BNC2: variants seen among roughly 807,000 people sequenced by gnomAD.
BNC2 encodes zinc finger protein basonuclin-2.
A neutral mutation model predicts 76.3 loss-of-function variants in BNC2; 20 were observed. The observed-to-expected ratio is 0.26, with a 90% CI of 0.18 to 0.38. The LOEUF (loss-of-function observed/expected upper bound fraction) is 0.38, where lower values mean the gene tolerates loss of function less well. Ranked by LOEUF, BNC2 falls within the 10% of genes least tolerant of loss-of-function variation. The probability of loss-of-function intolerance (pLI) is 1.00; values close to 1 mark genes in which losing one functional copy is unlikely to be tolerated. For missense variants in BNC2, 1,382 were observed against 1,399.8 expected (o/e 0.99, Z 0.20); for synonymous variants, 582 against 514.8 (o/e 1.13, Z -1.77).
At chr9:16,612,440 T>C (rs1820575436) in intron 3 of BNC2, among the ~76,000 whole-genome samples, 1 of 152,156 alleles carries the variant, frequency 6.6e-6, no homozygotes, top group Admixed American at 6.6e-5. Flanking sequence ...TCCATCCTTT[T>C]ATTAGAGTAG....
At position 16,824,786 on chromosome 9, in the gene BNC2, A is replaced by C. The variant is rs139982906; in HGVS notation, c.3+45860T>G. On this transcript the variant is annotated intron_variant, in intron 1 of 6. Coordinates refer to ENST00000380672, the MANE Select transcript of BNC2 (RefSeq NM_017637.6). ...GCCAAGGGAAGCCAAACTTGTCTAT[A>C]AACAGCAGAGGCACAGTGAAAGAGA... Among the ~76,000 whole-genome samples the C allele has an allele frequency of 3.3e-4, 51 of 152,326 alleles. 1 individual carries two copies. The highest frequency in any genetic ancestry group is 1.1e-3 in the African/African-American group (46 of 41,576).
At chr9:16,760,974 G>A (rs774548966) in intron 1 of BNC2, among the ~76,000 whole-genome samples, 12 of 152,098 alleles carry the variant, frequency 7.9e-5, no homozygotes, top group Non-Finnish European at 1.3e-4. Flanking sequence ...CAGGTGCAAT[G>A]GCTCACACCT....
At chr9:16,687,593 T>C (rs1823016694) in intron 3 of BNC2, among the ~76,000 whole-genome samples, 1 of 152,086 alleles carries the variant, frequency 6.6e-6, no homozygotes, top group Non-Finnish European at 1.5e-5. Flanking sequence ...CAAATCAAAA[T>C]GAATCCCCCC....
intron 5 of BNC2, among the ~76,000 whole-genome samples, chr9:16,481,692 A>T (rs1180890684): frequency 3.9e-5 from 6 of 152,222 alleles, no homozygotes; most frequent in Non-Finnish European, 1.5e-5. Flanking sequence ...TTCAATTTCA[A>T]TGAGTATTTT....
intron 3 of BNC2, among the ~76,000 whole-genome samples, chr9:16,716,673 G>A (rs934952407): frequency 2.0e-5 from 3 of 152,150 alleles, no homozygotes; most frequent in South Asian, 2.1e-4. Flanking sequence ...AAATGCTTAC[G>A]TATCATGCAA....
intron 5 of BNC2, among the ~76,000 whole-genome samples, chr9:16,484,762 T>A (rs1000825958): frequency 6.6e-6 from 1 of 152,202 alleles, no homozygotes; most frequent in African/African-American, 2.4e-5. Context: ...ACGACCTATA[T>A]GTTCTCATTG....
intron 5 of BNC2, among the ~76,000 whole-genome samples, chr9:16,487,265 G>A (rs1822185414): frequency 6.6e-6 from 1 of 152,150 alleles, no homozygotes; most frequent in Non-Finnish European, 1.5e-5. Flanking sequence ...TGTCGGCTGG[G>A]GGTGGAGGGG....
At chr9:16,680,327 T>C (rs967325900) in intron 3 of BNC2, among the ~76,000 whole-genome samples, 1 of 152,156 alleles carries the variant, frequency 6.6e-6, no homozygotes. Flanking sequence ...TATAATCACT[T>C]ACCTCCTTTA....
At position 16,870,666 on chromosome 9, in the gene BNC2, C is replaced by A. The variant is rs1288274524; in HGVS notation, c.-18G>T. On this transcript the variant is annotated 5_prime_UTR_variant, in exon 1 of 7. Coordinates refer to ENST00000380672, the MANE Select transcript of BNC2 (RefSeq NM_017637.6). ...CTTACCATCTCGGCATGCTGGTTGTCAAGTGCAGCCCCCGCCTCTTGGTCT... is the reference window on the plus strand; with the variant it reads ...CTTACCATCTCGGCATGCTGGTTGTAAAGTGCAGCCCCCGCCTCTTGGTCT... 1.2e-6 allele frequency: 2 copies of A among 1,610,338 alleles called. No homozygotes were observed. The highest frequency in any genetic ancestry group is 1.3e-5 in the African/African-American group (1 of 74,388).
intron 1 of BNC2, among the ~76,000 whole-genome samples, chr9:16,780,235 CAAAAAA>C (rs372583425): frequency 2.4e-3 from 159 of 66,306 alleles, no homozygotes; most frequent in African/African-American, 9.5e-3. Flanking sequence ...GACTTCGTTT[CAAAAAA>C]AAAAAAAAAA....
chr9:16,836,576 A>G (rs1169074789), intron 1 of BNC2, among the ~76,000 whole-genome samples: 3 of 151,866 alleles, frequency 2.0e-5, no homozygotes, highest in African/African-American at 7.3e-5. Flanking sequence ...TGTCTCCTTG[A>G]TTCTTATTAA....
intron 4 of BNC2, among the ~76,000 whole-genome samples, chr9:16,567,991 T>C (rs536607880): frequency 6.6e-6 from 1 of 152,202 alleles, no homozygotes; most frequent in Non-Finnish European, 1.5e-5. Flanking sequence ...TATTTCAAAA[T>C]TTTTAATGCT....
At chr9:16,675,870 G>C (rs1822623922) in intron 3 of BNC2, among the ~76,000 whole-genome samples, 5 of 152,106 alleles carry the variant, frequency 3.3e-5, no homozygotes, top group Admixed American at 3.3e-4. Context: ...CCAACATGGT[G>C]AATCTCAGCT....
chr9:16,724,365 T>G (rs577342002), intron 3 of BNC2, among the ~76,000 whole-genome samples: 1 of 152,060 alleles, frequency 6.6e-6, no homozygotes, highest in Non-Finnish European at 1.5e-5. Flanking sequence ...GCAAGCCTCA[T>G]TTTTTGCTTT....
At chr9:16,752,947 T>C (rs1166753617) in intron 1 of BNC2, among the ~76,000 whole-genome samples, 1 of 152,224 alleles carries the variant, frequency 6.6e-6, no homozygotes, top group Non-Finnish European at 1.5e-5. Flanking sequence ...CAGTTTAATA[T>C]GATTAAAACT....
chr9:16,590,769 T>C (rs1819907020), intron 3 of BNC2, among the ~76,000 whole-genome samples: 1 of 152,078 alleles, frequency 6.6e-6, no homozygotes, highest in East Asian at 1.9e-4. Context: ...ATCATACCAC[T>C]GCACTCCCAG....
rs560443966 is a variant in BNC2 at position 16,535,283 on chromosome 9, AAC to A, written c.669+17245_669+17246del. The stretch of plus-strand genomic sequence containing the variant: ...GAAAGCACTGGCGTAATTTTTAAGC[AAC>A]AGTTTCAAAAAAGGAATTTCATAGA... On this transcript the variant is annotated intron_variant, in intron 5 of 6. Coordinates refer to ENST00000380672, the MANE Select transcript of BNC2 (RefSeq NM_017637.6). 2.4e-3 allele frequency among the ~76,000 whole-genome samples: 366 copies of A among 152,324 alleles called. 4 individuals carry two copies. Among genetic ancestry groups the A allele is most frequent in the African/African-American group, 8.4e-3 (348 of 41,576 alleles).
intron 4 of BNC2, 116 bp from the exon 5 acceptor site, chr9:16,552,881 T>C: frequency 3.7e-6 from 3 of 807,140 alleles, no homozygotes; most frequent in Non-Finnish European, 6.3e-6. Context: ...TACACATGAA[T>C]GTTCGCCATA....
chr9:16,456,264 T>A (rs745681785), intron 5 of BNC2, among the ~76,000 whole-genome samples: 1 of 152,192 alleles, frequency 6.6e-6, no homozygotes, highest in Non-Finnish European at 1.5e-5. Context: ...TCTTTCAGCA[T>A]CTGTTTTTAT....
Sources: gnomAD v4.1 joint callset for allele counts (sites outside exome capture counted in the v4.1 genomes callset) on GRCh38, gnomAD v4.1.1 for gene constraint, MANE v1.5 for transcripts, NCBI Gene and HGNC (gene_info 2026-07-23, HGNC 2026-07-21) for gene names.